Variants in FAM167A observed in about 807,000 individuals in gnomAD.
FAM167A encodes the protein protein FAM167A.
FAM167A carries 23 observed loss-of-function variants against 14.9 expected under a neutral mutation model. The observed-to-expected ratio is 1.55, with a 90% confidence interval of 1.11 to 2.19. The LOEUF is 2.19. Among genes scored for constraint, FAM167A ranks in the 30% most tolerant of loss-of-function variants. The pLI is 0.00. For synonymous variants in FAM167A, 174 were observed against 117.7 expected (o/e 1.48, Z -3.10); for missense variants, 401 against 281.5 (o/e 1.42, Z -3.04).
At chr8:11,472,832 C>T (rs17742757) in intron 1 of FAM167A, among the ~76,000 whole-genome samples, 70,474 of 152,104 alleles carry the variant, frequency 0.46, 18,468 homozygotes, top group East Asian at 0.97. Flanking sequence ...ATCCTCTGAC[C>T]CCTGATTCCA....
At chr8:11,428,706 C>T (rs1173287652) in intron 2 of FAM167A, among the ~76,000 whole-genome samples, 1 of 152,222 alleles carries the variant, frequency 6.6e-6, no homozygotes, top group Non-Finnish European at 1.5e-5. Flanking sequence ...TCATCTCCTG[C>T]CCCAAAGAAC....
upstream of FAM167A, among the ~76,000 whole-genome samples, chr8:11,469,081 G>C (rs1807872372): frequency 6.6e-6 from 1 of 152,206 alleles, no homozygotes; most frequent in Non-Finnish European, 1.5e-5. Context: ...AAAGCTATTT[G>C]ATCATATAGA....
At chr8:11,445,660 T>C in intron 1 of FAM167A, 2 of 965,610 alleles carry the variant, frequency 2.1e-6, no homozygotes, top group South Asian at 9.6e-5. Context: ...CCCCATAACA[T>C]CAGACACAGG....
At position 11,422,989 on chromosome 8, in the gene FAM167A, GGTTCAA is replaced by G. The variant is rs1390511036; in HGVS notation, c.*1378_*1383del. The G allele has an allele frequency of 6.6e-6, 1 of 152,598 alleles. No individual in the cohort carries two copies. Among genetic ancestry groups the G allele is most frequent in the African/African-American group, 2.4e-5 (1 of 41,420 alleles). 9.5% of individuals were successfully genotyped at this position (152,598 alleles called of 1,614,324 possible). On this transcript the variant is annotated 3_prime_UTR_variant, in exon 3 of 3. Coordinates refer to ENST00000284486, the MANE Select transcript of FAM167A (RefSeq NM_053279.3). ...GGCAAAGCATCACGACCATCTTTGG[GGTTCAA>G]GTTCATTGACATGTGATCTACTAGG...
intron 2 of FAM167A, among the ~76,000 whole-genome samples, chr8:11,439,910 T>C (rs1276622195): frequency 9.9e-5 from 15 of 152,282 alleles, no homozygotes; most frequent in Non-Finnish European, 7.4e-5. Flanking sequence ...AGTTGGCTGA[T>C]GGACCAAAGC....
chr8:11,443,543 C>G (rs1462137759), intron 2 of FAM167A: 1 of 169,304 alleles, frequency 5.9e-6, no homozygotes, highest in Non-Finnish European at 1.3e-5. Context: ...ACAGCAGCGC[C>G]CTGCACAGCC....
At chr8:11,455,055 C>A (rs1427084607) in intron 1 of FAM167A, among the ~76,000 whole-genome samples, 1 of 152,232 alleles carries the variant, frequency 6.6e-6, no homozygotes, top group Non-Finnish European at 1.5e-5. Context: ...GGAGCCCTGA[C>A]ATGGAGATGA....
At chr8:11,445,622 A>G (rs1806740878) in intron 1 of FAM167A, 1 of 984,986 alleles carries the variant, frequency 1.0e-6, no homozygotes, top group South Asian at 4.7e-5. Flanking sequence ...CCCCATCTCC[A>G]GAGAGGAGGC....
At chr8:11,428,543 A>AG (rs1000693909) in intron 2 of FAM167A, among the ~76,000 whole-genome samples, 1 of 152,196 alleles carries the variant, frequency 6.6e-6, no homozygotes, top group Non-Finnish European at 1.5e-5. Flanking sequence ...AGAGAACATG[A>AG]GGAGGGGGCT....
At chr8:11,437,231 G>A (rs915266484) in intron 2 of FAM167A, among the ~76,000 whole-genome samples, 5 of 152,154 alleles carry the variant, frequency 3.3e-5, no homozygotes, top group African/African-American at 7.2e-5. Flanking sequence ...TTGATCTTGG[G>A]CAAGTTTTTT....
intron 1 of FAM167A, among the ~76,000 whole-genome samples, chr8:11,455,049 C>T (rs1807174418): frequency 6.6e-6 from 1 of 152,226 alleles, no homozygotes; most frequent in South Asian, 2.1e-4. Context: ...GTGTCAGGAG[C>T]CCTGACATGG....
At chr8:11,466,834 C>A (rs1488277330), upstream of FAM167A, 5 of 152,216 alleles carry the variant, frequency 3.3e-5, no homozygotes, top group Non-Finnish European at 5.9e-5. Flanking sequence ...CCGAGCTCTC[C>A]GCCGCGAGCC....
chr8:11,465,750 G>C (rs1356312737), intron 1 of FAM167A, among the ~76,000 whole-genome samples: 3 of 152,156 alleles, frequency 2.0e-5, no homozygotes, highest in Non-Finnish European at 4.4e-5. Context: ...GTGCCCCTTG[G>C]TGAAAACCCT....
At chr8:11,468,828 C>T (rs1415003337), upstream of FAM167A, among the ~76,000 whole-genome samples, 2 of 152,224 alleles carry the variant, frequency 1.3e-5, no homozygotes, top group African/African-American at 4.8e-5. Context: ...AATGGACAGG[C>T]AGCCTGTCCA....
At position 11,474,238 on chromosome 8, in the gene FAM167A, G is replaced by A. The variant is rs886037620; in HGVS notation, c.-398+1628C>T. Among the ~76,000 whole-genome samples the A allele has an allele frequency of 1.3e-5, 2 of 152,206 alleles. No homozygotes were observed. Among genetic ancestry groups the A allele is most frequent in the African/African-American group, 4.8e-5 (2 of 41,446 alleles). Reference sequence around the variant, plus strand: ...GTTTGCGCACCACCTGGAAAGGGGTGTGGCTTTCACTCATTCTGGTACCAG... The same window carrying A: ...GTTTGCGCACCACCTGGAAAGGGGTATGGCTTTCACTCATTCTGGTACCAG... On this transcript the variant is annotated intron_variant, in intron 1 of 1. Transcript: ENST00000648766.
chr8:11,435,031 C>CCCCCTCACTCAATCTGTCTCCA, intron 2 of FAM167A: 1 of 456,888 alleles, frequency 2.2e-6, no homozygotes, highest in South Asian at 1.5e-5. Context: ...GCCTGCCTCC[C>CCCCCTCACTCAATCTGTCTCCA]CCCCTCACTC....
At chr8:11,456,146 T>A (rs1163984964) in intron 1 of FAM167A, among the ~76,000 whole-genome samples, 7 of 37,318 alleles carry the variant, frequency 1.9e-4, no homozygotes, top group African/African-American at 3.8e-4. Context: ...TGTGTGTGTG[T>A]GTGAATGTGG....
At chr8:11,462,844 G>A (rs761423164) in intron 1 of FAM167A, among the ~76,000 whole-genome samples, 50 of 152,252 alleles carry the variant, frequency 3.3e-4, no homozygotes, top group Non-Finnish European at 5.6e-4. Flanking sequence ...TCTCTGGTCA[G>A]CATTGGGCAT....
intron 2 of FAM167A, 88 bp downstream of exon 2, chr8:11,443,943 G>A: frequency 6.9e-7 from 1 of 1,449,510 alleles, no homozygotes; most frequent in Non-Finnish European, 9.4e-7. Flanking sequence ...TGGTGGGGGT[G>A]GGGAGACAGA....
Sources: allele counts gnomAD v4.1 joint callset (sites outside exome capture counted in the v4.1 genomes callset), GRCh38; gene constraint gnomAD v4.1.1; transcripts MANE v1.5; gene names NCBI Gene and HGNC (gene_info 2026-07-23, HGNC 2026-07-21).